The following TMED5 variants were observed in gnomAD, a reference collection of about 807,000 sequenced individuals.
The protein encoded by TMED5 is transmembrane emp24 domain-containing protein 5.
TMED5 carries 27 observed loss-of-function variants against 23.0 expected under a neutral mutation model. The observed-to-expected ratio is 1.17, with a 90% CI of 0.86 to 1.62. The LOEUF (loss-of-function observed/expected upper bound fraction) is 1.62, where lower values mean the gene tolerates loss of function less well. Ranked by LOEUF, TMED5 falls within the 40% of genes most tolerant of loss-of-function variation. The pLI is 0.00. For synonymous variants in TMED5, 97 were observed against 100.8 expected (o/e 0.96, Z 0.23); for missense variants, 248 against 273.7 (o/e 0.91, Z 0.66).
intron 1 of TMED5, among the ~76,000 whole-genome samples, chr1:93,164,662 C>T (rs1465384295): frequency 6.6e-6 from 1 of 152,124 alleles, no homozygotes; most frequent in African/African-American, 2.4e-5. Flanking sequence ...AGTCCTCCAT[C>T]GTGGAATGCC....
chr1:93,155,552 T>G (rs1480327927), intron 3 of TMED5, among the ~76,000 whole-genome samples: 1 of 129,664 alleles, frequency 7.7e-6, no homozygotes, highest in Non-Finnish European at 1.6e-5. Context: ...TTTTTTTTTT[T>G]GTCGGGGGAT....
Position 93,154,502 on chromosome 1 carries a change from G to C in TMED5, c.*168C>G. ...CACTTAAGTACAACTGGATCAGCAG[G>C]ATTACTTGCACAGAAAGTGAAGACT... On this transcript the variant is annotated 3_prime_UTR_variant, in exon 4 of 4. Coordinates refer to ENST00000370282, the MANE Select transcript of TMED5 (RefSeq NM_016040.5). The C allele has an allele frequency of 1.7e-6, 1 of 603,732 alleles. No homozygotes were observed. Among genetic ancestry groups the C allele is most frequent in the South Asian group, 2.1e-5 (1 of 47,918 alleles). The allele number at this position is 603,732 out of a possible 1,614,324, so 37.4% of individuals were successfully genotyped here. A position where few individuals can be genotyped will look rare whatever the true frequency, so the allele number is the denominator to read the frequency against.
At chr1:93,176,566 T>C (rs1401099088) in intron 1 of TMED5, among the ~76,000 whole-genome samples, 1 of 152,142 alleles carries the variant, frequency 6.6e-6, no homozygotes, top group Non-Finnish European at 1.5e-5. Context: ...AGGGTCTCGC[T>C]CTTGTCACCG....
chr1:93,169,919 A>ACACACACACACAC (rs1557576991), intron 1 of TMED5, among the ~76,000 whole-genome samples: 8 of 150,960 alleles, frequency 5.3e-5, no homozygotes, highest in African/African-American at 7.3e-5. Flanking sequence ...ACACACACAC[A>ACACACACACACAC]AAATTAGGCA....
intron 1 of TMED5, among the ~76,000 whole-genome samples, chr1:93,175,626 A>G (rs987587796): frequency 6.6e-6 from 1 of 151,980 alleles, no homozygotes; most frequent in African/African-American, 2.4e-5. Context: ...CAGGTATATT[A>G]TACAAGTAAA....
chr1:93,169,024 G>A (rs1648605274), intron 1 of TMED5, among the ~76,000 whole-genome samples: 1 of 152,170 alleles, frequency 6.6e-6, no homozygotes, highest in Non-Finnish European at 1.5e-5. Context: ...CCCTCTATCA[G>A]TAATTGACCA....
In TMED5 at chr1:93,154,773, T is replaced by C. The variant is rs1557570937; in HGVS notation, c.587A>G (p.Asn196Ser). ...CACTAAATTAACCATAGACCAGAAA[T>C]TGACTCTATCAAAGTTGCTTTCTTG... is the stretch of plus-strand genomic sequence containing the variant. ...NIQESNFDRV[N>S]FWSMVNLVVM... Residue 196 changes from asparagine to serine, a missense_variant, in exon 4 of 4, where the codon AAT (asparagine) becomes AGT (serine). Asn to Ser is a conservative substitution (Grantham distance 46). Transcript: ENST00000370282. The C allele has an allele frequency of 3.1e-6, 5 of 1,614,060 alleles. No homozygotes were observed. The highest frequency in any genetic ancestry group is 3.4e-6 in the Non-Finnish European group (4 of 1,179,960).
intron 1 of TMED5, among the ~76,000 whole-genome samples, chr1:93,178,188 C>G (rs1648997082): frequency 6.6e-6 from 1 of 152,168 alleles, no homozygotes; most frequent in African/African-American, 2.4e-5. Context: ...TGCTTAATGA[C>G]CCCAGCCTTC....
chr1:93,170,625 G>A (rs1390250898), intron 1 of TMED5, among the ~76,000 whole-genome samples: 1 of 152,238 alleles, frequency 6.6e-6, no homozygotes, highest in African/African-American at 2.4e-5. Context: ...CGCACGGCAT[G>A]GGACTGGCAG....
chr1:93,173,345 A>G (rs1648794908), intron 1 of TMED5, among the ~76,000 whole-genome samples: 1 of 152,210 alleles, frequency 6.6e-6, no homozygotes, highest in Admixed American at 6.5e-5. Context: ...AATAATACTG[A>G]TAATAAATTT....
At chr1:93,177,615 ACAGTCCCTTT>A in intron 1 of TMED5, among the ~76,000 whole-genome samples, 2 of 147,894 alleles carry the variant, frequency 1.4e-5, no homozygotes, top group African/African-American at 5.2e-5. Context: ...AAAAAAAGGA[ACAGTCCCTTT>A]AAGAGTGACT....
Position 93,156,442 on chromosome 1 carries a change from T to C in TMED5, c.329A>G (p.Asn110Ser). Residue 110 changes from asparagine (N) to serine (S), a missense_variant, in exon 3 of 4, where the codon AAT (asparagine) becomes AGT (serine). Coordinates refer to ENST00000370282, the MANE Select transcript of TMED5 (RefSeq NM_016040.5). ...CTTCTCAGAAATGGTGCTGAATGTA[T>C]TGTCAAAGCAGAACATGTAATCACC... is the stretch of plus-strand genomic sequence containing the variant. ...EVGDYMFCFD[N>S]TFSTISEKVI... 6.2e-7 allele frequency: 1 copy of C among 1,613,954 alleles called. No homozygotes were observed. The highest frequency in any genetic ancestry group is 1.1e-5 in the South Asian group (1 of 91,078).
chr1:93,163,466 T>C (rs1468013084), intron 1 of TMED5, among the ~76,000 whole-genome samples: 1 of 151,550 alleles, frequency 6.6e-6, no homozygotes, highest in African/African-American at 2.4e-5. Flanking sequence ...CGCCTCAGTG[T>C]CCTGAGTAGC....
intron 3 of TMED5, chr1:93,156,023 AAAAC>A: frequency 7.1e-7 from 1 of 1,404,140 alleles, no homozygotes; most frequent in Non-Finnish European, 9.5e-7. Context: ...GCACATTTAT[AAAAC>A]AAACTTACCA....
intron 1 of TMED5, among the ~76,000 whole-genome samples, chr1:93,176,563 C>T (rs912553600): frequency 2.6e-5 from 4 of 152,088 alleles, no homozygotes; most frequent in Admixed American, 6.5e-5. Context: ...GGCAGGGTCT[C>T]GCTCTTGTCA....
In TMED5 at chr1:93,154,863, C is replaced by G; in HGVS notation, c.497G>C (p.Arg166Thr). Reference sequence around the variant, plus strand: ...TTGTATGTGCCCACTTTTGCTTAGTCTGGACTTGATGCTGTTGATGGATTC... The same window carrying G: ...TTGTATGTGCCCACTTTTGCTTAGTGTGGACTTGATGCTGTTGATGGATTC... The part of the protein sequence containing the change: ...ILESINSIKS[R>T]LSKSGHIQTL... Residue 166 changes from arginine (R) to threonine (T), a missense_variant, in exon 4 of 4, where the codon AGA (arginine) becomes ACA (threonine). Transcript: ENST00000370282. 1 of 1,611,798 alleles carries G rather than the reference C, an allele frequency of 6.2e-7. No homozygotes were observed. The highest frequency in any genetic ancestry group is 8.5e-7 in the Non-Finnish European group (1 of 1,178,296).
intron 1 of TMED5, among the ~76,000 whole-genome samples, chr1:93,169,676 GAAAA>G (rs201547030): frequency 6.7e-6 from 1 of 150,114 alleles, no homozygotes; most frequent in African/African-American, 2.5e-5. Context: ...GGCAAACCAA[GAAAA>G]AAAAGAGAAA....
intron 1 of TMED5, among the ~76,000 whole-genome samples, chr1:93,176,316 G>C (rs1648910487): frequency 6.6e-6 from 1 of 151,990 alleles, no homozygotes; most frequent in African/African-American, 2.4e-5. Context: ...TATGCCTAGT[G>C]AAAGTCTGAT....
In TMED5 at chr1:93,160,201, A is replaced by G. The variant is rs773288297; in HGVS notation, c.215T>C (p.Ile72Thr). Residue 72 changes from isoleucine to threonine, a missense_variant, in exon 2 of 4, where the codon ATT becomes ACT. By Grantham distance (89) the Ile-to-Thr change is moderately conservative. Transcript: ENST00000370282. ...YQVLDGAGLD[I>T]DFHLASPEGK... Reference sequence around the variant, plus strand: ...TTCTGGAGAGGCAAGATGGAAATCAATATCTAATCCTGCTCCATCTAAAAC... The same window carrying G: ...TTCTGGAGAGGCAAGATGGAAATCAGTATCTAATCCTGCTCCATCTAAAAC... 2.0e-5 allele frequency: 32 copies of G among 1,612,278 alleles called. No homozygotes were observed. Among genetic ancestry groups the G allele is most frequent in the Non-Finnish European group, 2.2e-5 (26 of 1,178,810 alleles).
Sources: allele counts gnomAD v4.1 joint callset (sites outside exome capture counted in the v4.1 genomes callset), GRCh38; gene constraint gnomAD v4.1.1; transcripts MANE v1.5; gene names NCBI Gene and HGNC (gene_info 2026-07-23, HGNC 2026-07-21).